The following EDNRB variants were observed in gnomAD, a reference collection of about 807,000 sequenced individuals.
The protein encoded by EDNRB is endothelin receptor type B.
Under a neutral mutation model 46.4 loss-of-function variants are expected in EDNRB, and 18 were observed. That is an observed-to-expected ratio of 0.39 (90% CI 0.27 to 0.57). The LOEUF (loss-of-function observed/expected upper bound fraction) is 0.57, where lower values mean the gene tolerates loss of function less well. Among genes scored for constraint, EDNRB ranks in the 20% least tolerant of loss-of-function variants. The pLI is 0.61. For missense variants in EDNRB, 434 were observed against 537.5 expected (o/e 0.81, Z 1.90); for synonymous variants, 213 against 204.9 (o/e 1.04, Z -0.34).
intron 1 of EDNRB, among the ~76,000 whole-genome samples, chr13:77,973,773 T>G (rs1182864376): frequency 6.6e-6 from 1 of 152,128 alleles, no homozygotes; most frequent in African/African-American, 2.4e-5. Flanking sequence ...GAATTTCCTT[T>G]TATAACCTTT....
chr13:77,899,701 C>T (rs1368730089), intron 6 of EDNRB, 158 bp downstream of exon 6: 6 of 631,422 alleles, frequency 9.5e-6, no homozygotes, highest in Non-Finnish European at 1.6e-5. Flanking sequence ...TAGTGATTTA[C>T]AAGCAAAAGT....
At chr13:77,949,030 A>T (rs1881013394) in intron 1 of EDNRB, among the ~76,000 whole-genome samples, 1 of 152,256 alleles carries the variant, frequency 6.6e-6, no homozygotes, top group Admixed American at 6.5e-5. Flanking sequence ...TCAAAAATTA[A>T]CAAATACTTT....
upstream of EDNRB, among the ~76,000 whole-genome samples, chr13:77,923,327 C>T (rs1418060742): frequency 6.6e-6 from 1 of 151,874 alleles, no homozygotes; most frequent in Non-Finnish European, 1.5e-5. Context: ...CTCAGTAAAA[C>T]AAAAAATGAG....
At chr13:77,901,639 T>C (rs1486874652) in intron 3 of EDNRB, among the ~76,000 whole-genome samples, 1 of 152,014 alleles carries the variant, frequency 6.6e-6, no homozygotes, top group Non-Finnish European at 1.5e-5. Context: ...TACGAAAAGG[T>C]CTAGGTTAAC....
chr13:77,896,647 G>C lies in EDNRB; in HGVS notation c.*1553C>G. On this transcript the variant is annotated 3_prime_UTR_variant, in exon 7 of 7. Coordinates refer to ENST00000646607, the MANE Select transcript of EDNRB (RefSeq NM_001122659.3). ...CCCAATTTATTTCGAAAGTCACTCTGAGAACATTGCACTGTGTTTTGCTGG... is the reference window on the plus strand; with the variant it reads ...CCCAATTTATTTCGAAAGTCACTCTCAGAACATTGCACTGTGTTTTGCTGG... 6.6e-7 allele frequency: 1 copy of C among 1,510,878 alleles called. No individual in the cohort carries two copies. 93.6% of individuals were successfully genotyped at this position (1,510,878 alleles called of 1,614,324 possible).
intron 1 of EDNRB, among the ~76,000 whole-genome samples, chr13:77,937,051 A>G (rs1880589064): frequency 6.6e-6 from 1 of 152,064 alleles, no homozygotes; most frequent in Non-Finnish European, 1.5e-5. Context: ...TCAGGAGTGG[A>G]TTGGGTGATA....
At chr13:77,952,862 A>G (rs1881132038) in intron 1 of EDNRB, among the ~76,000 whole-genome samples, 1 of 152,168 alleles carries the variant, frequency 6.6e-6, no homozygotes. Flanking sequence ...CCTTGACCCC[A>G]GGCAAACTGC....
intron 1 of EDNRB, among the ~76,000 whole-genome samples, chr13:77,953,231 T>A (rs1428171981): frequency 6.6e-6 from 1 of 152,156 alleles, no homozygotes; most frequent in African/African-American, 2.4e-5. Context: ...CCTTTCATTA[T>A]GAATATTCAA....
intron 1 of EDNRB, among the ~76,000 whole-genome samples, chr13:77,931,774 A>C (rs1011870769): frequency 2.7e-4 from 38 of 141,482 alleles, no homozygotes; most frequent in Admixed American, 1.0e-3. Flanking sequence ...AAAAAAAAAA[A>C]CAAAAAAAAC....
At chr13:77,951,210 A>C (rs1881079636) in intron 1 of EDNRB, among the ~76,000 whole-genome samples, 1 of 152,178 alleles carries the variant, frequency 6.6e-6, no homozygotes, top group Non-Finnish European at 1.5e-5. Context: ...TGGATTGGAT[A>C]AGCAAAGCCA....
At chr13:77,915,940 T>C (rs1444242877) in intron 1 of EDNRB, among the ~76,000 whole-genome samples, 3 of 152,204 alleles carry the variant, frequency 2.0e-5, no homozygotes, top group African/African-American at 7.2e-5. Flanking sequence ...AGGGAAACTG[T>C]ATGACCTCTT....
intron 5 of EDNRB, 64 bp downstream of exon 5, chr13:77,900,457 G>A: frequency 6.2e-7 from 1 of 1,605,030 alleles, no homozygotes; most frequent in African/African-American, 1.3e-5. Context: ...CTATAAAAAA[G>A]ATCGATGGAA....
At chr13:77,910,341 C>G (rs1879510732) in intron 1 of EDNRB, among the ~76,000 whole-genome samples, 1 of 151,940 alleles carries the variant, frequency 6.6e-6, no homozygotes, top group Non-Finnish European at 1.5e-5. Context: ...GGCTGCATTT[C>G]ACAACTTTAG....
At chr13:77,928,637 A>T (rs772874295) in intron 1 of EDNRB, among the ~76,000 whole-genome samples, 1 of 152,226 alleles carries the variant, frequency 6.6e-6, no homozygotes, top group African/African-American at 2.4e-5. Flanking sequence ...TGAATTTGCC[A>T]GAAAAATACA....
At chr13:77,966,329 G>A (rs1166259383) in intron 1 of EDNRB, among the ~76,000 whole-genome samples, 1 of 152,124 alleles carries the variant, frequency 6.6e-6, no homozygotes, top group Non-Finnish European at 1.5e-5. Flanking sequence ...CCCCACAAAA[G>A]CATTCTATTT....
intron 1 of EDNRB, among the ~76,000 whole-genome samples, chr13:77,934,494 T>C (rs889727409): frequency 1.3e-5 from 2 of 152,150 alleles, no homozygotes; most frequent in Non-Finnish European, 2.9e-5. Context: ...TGAGGAATTA[T>C]GTCTGACAGA....
intron 1 of EDNRB, among the ~76,000 whole-genome samples, chr13:77,908,727 C>A (rs1303461788): frequency 6.6e-6 from 1 of 151,854 alleles, no homozygotes; most frequent in Admixed American, 6.6e-5. Context: ...AATTAGATAA[C>A]TTAAGGGCAA....
chr13:77,957,368 A>G (rs1881270228), intron 1 of EDNRB, among the ~76,000 whole-genome samples: 1 of 152,252 alleles, frequency 6.6e-6, no homozygotes, highest in Non-Finnish European at 1.5e-5. Flanking sequence ...TATATTCATT[A>G]GAATGCAAGC....
intron 1 of EDNRB, among the ~76,000 whole-genome samples, chr13:77,972,654 G>A (rs943595945): frequency 6.6e-6 from 1 of 152,144 alleles, no homozygotes; most frequent in Non-Finnish European, 1.5e-5. Flanking sequence ...GTAGAAAGCT[G>A]TCTTTGACTT....
Sources: gnomAD v4.1 joint callset for allele counts (sites outside exome capture counted in the v4.1 genomes callset) on GRCh38, gnomAD v4.1.1 for gene constraint, MANE v1.5 for transcripts, NCBI Gene and HGNC (gene_info 2026-07-23, HGNC 2026-07-21) for gene names.